AFF2: variants seen among roughly 807,000 people sequenced by gnomAD.
The protein encoded by AFF2 is AF4/FMR2 family member 2.
In AFF2, 14 loss-of-function variants were observed where a neutral mutation model predicts 76.9. That is an observed-to-expected ratio of 0.18 (90% CI 0.12 to 0.28). AFF2 has a LOEUF of 0.28. Among genes scored for constraint, AFF2 ranks in the 10% least tolerant of loss-of-function variants. The probability of loss-of-function intolerance (pLI) is 1.00; values close to 1 mark genes in which losing one functional copy is unlikely to be tolerated. For missense variants in AFF2, 868 were observed against 1,001.1 expected (o/e 0.87, Z 1.79); for synonymous variants, 398 against 366.7 (o/e 1.09, Z -0.98).
chrX:148,549,051 T>C (rs1481204021), intron 1 of AFF2, among the ~76,000 whole-genome samples: 2 of 112,230 alleles, frequency 1.8e-5, no homozygotes, highest in Non-Finnish European at 3.8e-5. Context: ...GTCATCAGAT[T>C]TGTTCTCATA....
chrX:148,911,297 G>T (rs1233137849), intron 9 of AFF2, among the ~76,000 whole-genome samples: 1 of 111,391 alleles, frequency 9.0e-6, no homozygotes, highest in Non-Finnish European at 1.9e-5. Flanking sequence ...ACTTGGTAAA[G>T]CCTTTGAAAT....
At chrX:148,908,298 T>C (rs909859691) in intron 9 of AFF2, among the ~76,000 whole-genome samples, 5 of 112,081 alleles carry the variant, frequency 4.5e-5, no homozygotes, top group African/African-American at 1.6e-4. Context: ...AGGGTATTGA[T>C]TGGGGAAGTG....
At chrX:148,683,250 G>C (rs1557260086) in intron 3 of AFF2, among the ~76,000 whole-genome samples, 3 of 112,137 alleles carry the variant, frequency 2.7e-5, no homozygotes, top group Non-Finnish European at 5.6e-5. Context: ...TGTGAGTGCT[G>C]TGTAAACTGT....
At chrX:148,935,161 C>CAT (rs782119016) in intron 9 of AFF2, among the ~76,000 whole-genome samples, 1,974 of 108,462 alleles carry the variant, frequency 0.018, 49 homozygotes, top group African/African-American at 0.062. Flanking sequence ...CATTATTTTA[C>CAT]ATATATATAT....
chrX:148,771,327 A>G (rs1369233866), intron 3 of AFF2, among the ~76,000 whole-genome samples: 9 of 112,247 alleles, frequency 8.0e-5, no homozygotes, highest in Non-Finnish European at 1.7e-4. Context: ...AGGAGTAACT[A>G]TCTTCTTTGT....
chrX:148,888,547 C>T (rs369726011), intron 8 of AFF2, among the ~76,000 whole-genome samples: 2 of 112,068 alleles, frequency 1.8e-5, no homozygotes, highest in East Asian at 2.8e-4. Context: ...TGATGAGTCA[C>T]ATGGTAATTC....
chrX:148,894,416 G>T (rs1193731626), intron 8 of AFF2, among the ~76,000 whole-genome samples: 4 of 111,463 alleles, frequency 3.6e-5, no homozygotes, highest in Non-Finnish European at 7.5e-5. Flanking sequence ...TATTTATCAA[G>T]AGCAAAGAGC....
At chrX:148,920,735 AC>A (rs1267280535) in intron 9 of AFF2, among the ~76,000 whole-genome samples, 109 of 110,798 alleles carry the variant, frequency 9.8e-4, no homozygotes, top group African/African-American at 3.6e-3. Context: ...CCTTAATATT[AC>A]ATTGTGCACC....
At chrX:148,963,188 T>G in intron 13 of AFF2, among the ~76,000 whole-genome samples, 1 of 112,099 alleles carries the variant, frequency 8.9e-6, no homozygotes, top group Non-Finnish European at 1.9e-5. Context: ...CTTAAAAGAA[T>G]CTGCAAAGTC....
rs782815132 is a variant in AFF2, at chrX:148,758,152, T to C, written c.1042-51724T>C. On this transcript the variant is annotated intron_variant, in intron 3 of 20. Coordinates refer to ENST00000370460, the MANE Select transcript of AFF2 (RefSeq NM_002025.4). ...TGTATTGTATTTGAGCAAAAGACCATGTAAGTAGGGGCAGAATGCAAGAAG... is the reference window on the plus strand; with the variant it reads ...TGTATTGTATTTGAGCAAAAGACCACGTAAGTAGGGGCAGAATGCAAGAAG... Among the ~76,000 whole-genome samples, 8 of 112,438 alleles carry C rather than the reference T, an allele frequency of 7.1e-5. No homozygotes were observed. The East Asian group carries it at 2.2e-3, about 31-fold the overall frequency.
Position 148,606,338 on chromosome X carries a change from C to T in AFF2, c.48-45661C>T, listed in dbSNP as rs6641242. ...ACATTAGAGGAAAATCTTTTGAAAT[C>T]GAAAAGAGTATTGTAGTTTAGTTCA... On this transcript the variant is annotated intron_variant, in intron 1 of 20. Coordinates refer to ENST00000370460, the MANE Select transcript of AFF2 (RefSeq NM_002025.4). 2.5e-3 allele frequency among the ~76,000 whole-genome samples: 283 copies of T among 111,514 alleles called. 1 individual carries two copies. The highest frequency in any genetic ancestry group is 8.8e-3 in the African/African-American group (272 of 30,804).
At chrX:148,888,329 G>T (rs185844544) in intron 8 of AFF2, among the ~76,000 whole-genome samples, 1 of 111,898 alleles carries the variant, frequency 8.9e-6, no homozygotes, top group East Asian at 2.8e-4. Context: ...TTGGTTGTTC[G>T]ATGTCATGTA....
At chrX:148,618,819 A>C (rs1283047435) in intron 1 of AFF2, among the ~76,000 whole-genome samples, 1 of 111,132 alleles carries the variant, frequency 9.0e-6, no homozygotes, top group African/African-American at 3.3e-5. Context: ...AACAGGGATA[A>C]ATTTCTAGTC....
chrX:148,553,795 C>G (rs1557239294), intron 1 of AFF2, among the ~76,000 whole-genome samples: 1 of 112,190 alleles, frequency 8.9e-6, no homozygotes, highest in Non-Finnish European at 1.9e-5. Context: ...TGAGAATTTG[C>G]CAATGAAGGA....
At chrX:148,891,725 GT>G (rs1336412834) in intron 8 of AFF2, among the ~76,000 whole-genome samples, 5 of 111,301 alleles carry the variant, frequency 4.5e-5, no homozygotes, top group Non-Finnish European at 9.4e-5. Context: ...TGATGCCTGG[GT>G]TCTGAAGCCT....
intron 15 of AFF2, among the ~76,000 whole-genome samples, chrX:148,970,700 T>G (rs782071255): frequency 8.9e-6 from 1 of 112,073 alleles, no homozygotes; most frequent in Non-Finnish European, 1.9e-5. Context: ...ATTTTTTGGC[T>G]TTTTGACACA....
intron 7 of AFF2, among the ~76,000 whole-genome samples, chrX:148,875,379 C>A (rs1228015986): frequency 9.0e-6 from 1 of 111,636 alleles, no homozygotes; most frequent in Non-Finnish European, 1.9e-5. Context: ...CTTTTTATGT[C>A]ATTTTCTAAT....
intron 3 of AFF2, among the ~76,000 whole-genome samples, chrX:148,669,884 G>A (rs1209840318): frequency 9.0e-6 from 1 of 111,669 alleles, no homozygotes; most frequent in Non-Finnish European, 1.9e-5. Flanking sequence ...CTTTTAGGGT[G>A]CCAGAAAAGA....
At chrX:148,534,652 A>G (rs1557236335) in intron 1 of AFF2, among the ~76,000 whole-genome samples, 4 of 112,549 alleles carry the variant, frequency 3.6e-5, no homozygotes. Flanking sequence ...CTGGCACAAA[A>G]AAAGACTCTT....
Sources: allele counts gnomAD v4.1 joint callset (sites outside exome capture counted in the v4.1 genomes callset), GRCh38; gene constraint gnomAD v4.1.1; transcripts MANE v1.5; gene names NCBI Gene and HGNC (gene_info 2026-07-23, HGNC 2026-07-21).